PSMA3: variants seen among roughly 807,000 people sequenced by gnomAD.
PSMA3 encodes proteasome 20S subunit alpha 3, also known as proteasome subunit alpha type-3.
PSMA3 carries 8 observed loss-of-function variants against 40.0 expected under a neutral mutation model. The ratio of observed to expected loss-of-function variants is 0.20; its 90% confidence interval spans 0.12 to 0.36. PSMA3 has a LOEUF of 0.36. Among genes scored for constraint, PSMA3 ranks in the 10% least tolerant of loss-of-function variants. PSMA3 has a pLI of 1.00. For synonymous variants in PSMA3, 110 were observed against 100.0 expected (o/e 1.10, Z -0.59); for missense variants, 219 against 310.6 (o/e 0.70, Z 2.22).
At chr14:58,265,520 A>G (rs1890413554) in intron 7 of PSMA3, 1 of 152,180 alleles carries the variant, frequency 6.6e-6, no homozygotes, top group South Asian at 2.1e-4. Flanking sequence ...TTTAGAATAC[A>G]ACAGTAGACT....
intron 3 of PSMA3, among the ~76,000 whole-genome samples, chr14:58,252,694 T>C (rs1890039137): frequency 1.3e-5 from 2 of 152,124 alleles, no homozygotes; most frequent in Non-Finnish European, 2.9e-5. Context: ...AATTAAGTTA[T>C]TCATGCAGCT....
Position 58,270,456 on chromosome 14 carries a change from T to C in PSMA3, c.629T>C (p.Phe210Ser). 6.2e-7 allele frequency: 1 copy of C among 1,613,750 alleles called. No homozygotes were observed. The highest frequency in any genetic ancestry group is 8.5e-7 in the Non-Finnish European group (1 of 1,179,792). Residue 210 changes from phenylalanine (F) to serine (S), a missense_variant, in exon 9 of 11, where the codon TTT (phenylalanine) becomes TCT (serine). Transcript: ENST00000216455. ...IVHDEVKDKA[F>S]ELELSWVGEL... ...CATGACGAAGTTAAGGATAAAGCTTTTGAACTAGAACTCAGCTGGGTTGGT... is the reference window on the plus strand; with the variant it reads ...CATGACGAAGTTAAGGATAAAGCTTCTGAACTAGAACTCAGCTGGGTTGGT...
chr14:58,267,624 GTGTAT>G (rs1890483998), intron 8 of PSMA3, 104 bp downstream of exon 8: 2 of 1,307,168 alleles, frequency 1.5e-6, no homozygotes, highest in Non-Finnish European at 2.0e-6. Flanking sequence ...AAATAACTTA[GTGTAT>G]AATTTTTAGA....
intron 2 of PSMA3, among the ~76,000 whole-genome samples, chr14:58,250,613 G>A (rs1354086319): frequency 2.0e-5 from 3 of 152,174 alleles, no homozygotes; most frequent in Non-Finnish European, 4.4e-5. Context: ...GTTGGGGAAG[G>A]AGTGTCAGAA....
chr14:58,258,202 T>C, intron 5 of PSMA3: 1 of 494,136 alleles, frequency 2.0e-6, no homozygotes. Context: ...CTTTGGGAGG[T>C]TGAGGTGGGA....
chr14:58,270,634 A>T, intron 9 of PSMA3, 149 bp downstream of exon 9: 1 of 1,396,130 alleles, frequency 7.2e-7, no homozygotes, highest in South Asian at 1.5e-5. Flanking sequence ...AATTGACTTA[A>T]GTTGTGAACA....
intron 2 of PSMA3, among the ~76,000 whole-genome samples, chr14:58,251,286 T>G (rs1378871790): frequency 1.3e-5 from 2 of 151,794 alleles, no homozygotes; most frequent in African/African-American, 4.8e-5. Flanking sequence ...TTACTTGAGG[T>G]TGTGTGTGTG....
At chr14:58,250,151 T>C (rs1365788276) in intron 2 of PSMA3, among the ~76,000 whole-genome samples, 4 of 145,690 alleles carry the variant, frequency 2.7e-5, no homozygotes, top group Non-Finnish European at 4.5e-5. Context: ...ACCCGGGAGA[T>C]GGAGGTTGCA....
intron 1 of PSMA3, chr14:58,245,414 C>T (rs74057653): frequency 0.013 from 2,106 of 162,030 alleles, 43 homozygotes; most frequent in African/African-American, 0.048. Flanking sequence ...GATCATTGAC[C>T]GCTCAGTTTA....
chr14:58,245,932 T>A (rs1400662601), intron 1 of PSMA3, among the ~76,000 whole-genome samples: 1 of 152,246 alleles, frequency 6.6e-6, no homozygotes, highest in Non-Finnish European at 1.5e-5. Context: ...TTTTCTTGGA[T>A]AAGTAAATGC....
At chr14:58,261,100 T>C in intron 6 of PSMA3, 80 bp downstream of exon 6, 1 of 957,562 alleles carries the variant, frequency 1.0e-6, no homozygotes, top group Non-Finnish European at 1.6e-6. Flanking sequence ...TATAAGATTA[T>C]ATGAAATTAA....
At chr14:58,251,224 A>G (rs1453577984) in intron 2 of PSMA3, among the ~76,000 whole-genome samples, 1 of 152,268 alleles carries the variant, frequency 6.6e-6, no homozygotes, top group Admixed American at 6.5e-5. Flanking sequence ...ATAGAAGAAT[A>G]AAGTGTAACA....
intron 6 of PSMA3, 158 bp from the exon 7 acceptor site, chr14:58,263,547 C>T (rs1890343483): frequency 1.0e-5 from 5 of 498,362 alleles, no homozygotes; most frequent in South Asian, 4.1e-5. Context: ...ATTTTTGAGC[C>T]CTTTGGCATT....
At chr14:58,270,625 ATTGAC>A (rs1429336434) in intron 9 of PSMA3, 140 bp downstream of exon 9, 122 of 1,456,276 alleles carry the variant, frequency 8.4e-5, no homozygotes, top group South Asian at 2.1e-4. Context: ...CTGCTTAATA[ATTGAC>A]TTAAGTTGTG....
intron 5 of PSMA3, 94 bp downstream of exon 5, chr14:58,258,092 A>C: frequency 1.1e-6 from 1 of 943,614 alleles, no homozygotes; most frequent in Non-Finnish European, 1.6e-6. Context: ...ACTTAAAAAT[A>C]GAAACTCGTC....
chr14:58,270,866 T>C (rs1594835610), intron 9 of PSMA3, 68 bp from the exon 10 acceptor site: 4 of 1,310,888 alleles, frequency 3.1e-6, no homozygotes, highest in East Asian at 2.3e-5. Flanking sequence ...GTAGATCCTA[T>C]GGTATACTGC....
At chr14:58,258,985 G>T (rs1890209529) in intron 5 of PSMA3, among the ~76,000 whole-genome samples, 1 of 152,172 alleles carries the variant, frequency 6.6e-6, no homozygotes, top group Non-Finnish European at 1.5e-5. Flanking sequence ...GAGCTGGAGT[G>T]CAGTGGTGCC....
Position 58,257,753 on chromosome 14 carries a change from A to C in PSMA3, c.237A>C (p.Ala79=), listed in dbSNP as rs1890178869. 1.2e-6 allele frequency: 2 copies of C among 1,608,520 alleles called. No homozygotes were observed. Among genetic ancestry groups the C allele is most frequent in the Admixed American group, 3.3e-5 (2 of 59,884 alleles). The part of the protein sequence containing the change: ...NVDRHVGMAV[A]GLLADARSLA... ...TGGTGCTTTTTTTTCAGGCAGTAGCAGGTTTGTTGGCAGATGCTCGTTCTT... is the reference window on the plus strand; with the variant it reads ...TGGTGCTTTTTTTTCAGGCAGTAGCCGGTTTGTTGGCAGATGCTCGTTCTT... Residue 79 remains alanine, a synonymous_variant, in exon 4 of 11, where the codon GCA becomes GCC. Transcript: ENST00000216455.
At chr14:58,245,233 G>C (rs537251501) in intron 1 of PSMA3, 2 of 432,332 alleles carry the variant, frequency 4.6e-6, no homozygotes, top group East Asian at 3.8e-5. Flanking sequence ...CAGCCACTTA[G>C]GGAAACCGAA....
Sources: gnomAD v4.1 joint callset for allele counts (sites outside exome capture counted in the v4.1 genomes callset) on GRCh38, gnomAD v4.1.1 for gene constraint, MANE v1.5 for transcripts, NCBI Gene and HGNC (gene_info 2026-07-23, HGNC 2026-07-21) for gene names.